The following IKZF2 variants were observed in gnomAD, a reference collection of about 807,000 sequenced individuals.
IKZF2 encodes the protein zinc finger protein Helios.
In IKZF2, 15 loss-of-function variants were observed where a neutral mutation model predicts 49.2. That is an observed-to-expected ratio of 0.30 (90% confidence interval 0.20 to 0.47). IKZF2 has a LOEUF of 0.47. Ranked by LOEUF, IKZF2 falls within the 20% of genes least tolerant of loss-of-function variation. IKZF2 has a pLI of 1.00. For synonymous variants in IKZF2, 227 were observed against 221.4 expected, an observed-to-expected ratio of 1.03 and a Z score of -0.23; for missense variants, 567 against 664.6, an observed-to-expected ratio of 0.85 and a Z score of 1.61.
At chr2:213,083,413 G>A (rs1023878360) in intron 4 of IKZF2, among the ~76,000 whole-genome samples, 11 of 124,290 alleles carry the variant, frequency 8.9e-5, no homozygotes, top group African/African-American at 3.5e-4. Context: ...TTTTTGAGAC[G>A]GAGTTTCGCT....
At position 213,048,401 on chromosome 2, in the gene IKZF2, G is replaced by A. The variant is rs768167363; in HGVS notation, c.574+1312C>T. On this transcript the variant is annotated intron_variant, in intron 6 of 8. Coordinates refer to ENST00000434687, the MANE Select transcript of IKZF2 (RefSeq NM_001387220.1). ...AGTTGAGGCAAAACTATATGTTCAC[G>A]AAGATCTATTTGTTATATAATGTTT... Among the ~76,000 whole-genome samples, 42 of 152,052 alleles carry A rather than the reference G, an allele frequency of 2.8e-4. 1 individual carries two copies. Among genetic ancestry groups the A allele is most frequent in the Middle Eastern group, 3.4e-3 (1 of 294 alleles).
chr2:213,020,827 A>T (rs1476347859), intron 7 of IKZF2, among the ~76,000 whole-genome samples: 2 of 152,228 alleles, frequency 1.3e-5, no homozygotes, highest in Non-Finnish European at 2.9e-5. Flanking sequence ...CTGGCTATGT[A>T]TAAGCCAATA....
chr2:213,143,454 C>T (rs2060941296), intron 4 of IKZF2, among the ~76,000 whole-genome samples: 1 of 151,892 alleles, frequency 6.6e-6, no homozygotes, highest in Non-Finnish European at 1.5e-5. Context: ...CAAATCTATA[C>T]CTCTTTTACT....
intron 4 of IKZF2, among the ~76,000 whole-genome samples, chr2:213,085,324 T>A (rs557300496): frequency 6.6e-6 from 1 of 152,218 alleles, no homozygotes; most frequent in Non-Finnish European, 1.5e-5. Flanking sequence ...GTTCTTATTA[T>A]GAGCCAAATT....
intron 8 of IKZF2, among the ~76,000 whole-genome samples, chr2:213,009,196 CA>C (rs1695671678): frequency 6.6e-6 from 1 of 152,094 alleles, no homozygotes; most frequent in Non-Finnish European, 1.5e-5. Flanking sequence ...CTTAAATATA[CA>C]CCTCAACAAA....
At chr2:213,115,193 GTTTACTGAAGT>G (rs2059831216) in intron 4 of IKZF2, among the ~76,000 whole-genome samples, 1 of 152,104 alleles carries the variant, frequency 6.6e-6, no homozygotes. Flanking sequence ...TATTCGATAC[GTTTACTGAAGT>G]TTTAATCAAT....
At position 213,002,548 on chromosome 2, in the gene IKZF2, A is replaced by G. The variant is rs1406262698; in HGVS notation, c.*4812T>C. 6.6e-6 allele frequency: 1 copy of G among 151,764 alleles called. No homozygotes were observed. The highest frequency in any genetic ancestry group is 1.9e-4 in the East Asian group (1 of 5,170). The allele number at this position is 151,764 out of a possible 1,614,324, so 9.4% of individuals were successfully genotyped here. On this transcript the variant is annotated 3_prime_UTR_variant, in exon 9 of 9. Transcript: ENST00000434687. ...CTTGGTCATATGCCATTTGCTTTGTATAACCAGCAGCTCATTTTTTTAAAA... is the reference window on the plus strand; with the variant it reads ...CTTGGTCATATGCCATTTGCTTTGTGTAACCAGCAGCTCATTTTTTTAAAA...
chr2:213,020,767 T>C (rs1178847733), intron 7 of IKZF2, among the ~76,000 whole-genome samples: 16 of 152,174 alleles, frequency 1.1e-4, no homozygotes, highest in Non-Finnish European at 4.4e-5. Flanking sequence ...CACAGTTCCA[T>C]AGTATATACT....
intron 8 of IKZF2, 31 bp from the exon 9 acceptor site, chr2:213,008,115 A>G: frequency 7.3e-7 from 1 of 1,370,986 alleles, no homozygotes; most frequent in Non-Finnish European, 9.7e-7. Flanking sequence ...AAAGAAGTAA[A>G]AAAAAAAAAA....
intron 4 of IKZF2, among the ~76,000 whole-genome samples, chr2:213,061,121 G>C (rs904986285): frequency 6.6e-6 from 1 of 151,440 alleles, no homozygotes; most frequent in African/African-American, 2.4e-5. Flanking sequence ...AAGAAGTAAA[G>C]ACACTTGCAC....
intron 4 of IKZF2, among the ~76,000 whole-genome samples, chr2:213,129,865 G>T (rs1423409329): frequency 6.6e-6 from 1 of 152,174 alleles, no homozygotes; most frequent in Non-Finnish European, 1.5e-5. Context: ...CAGAGCCAAG[G>T]ATTTCTGATA....
intron 6 of IKZF2, among the ~76,000 whole-genome samples, chr2:213,039,707 A>T (rs1280115426): frequency 6.6e-6 from 1 of 152,138 alleles, no homozygotes; most frequent in African/African-American, 2.4e-5. Context: ...TTTACAAAGT[A>T]GTTATTTTTA....
intron 4 of IKZF2, among the ~76,000 whole-genome samples, chr2:213,089,537 A>C (rs911205399): frequency 6.6e-6 from 1 of 152,170 alleles, no homozygotes; most frequent in African/African-American, 2.4e-5. Flanking sequence ...GCTGTTCCTC[A>C]AGTACACCAA....
chr2:213,103,004 C>A (rs1163099469), intron 4 of IKZF2, among the ~76,000 whole-genome samples: 2 of 151,986 alleles, frequency 1.3e-5, no homozygotes. Flanking sequence ...GGATCAAGTC[C>A]ATATAGTGGT....
intron 4 of IKZF2, among the ~76,000 whole-genome samples, chr2:213,108,991 A>T (rs2059618490): frequency 6.6e-6 from 1 of 151,964 alleles, no homozygotes; most frequent in South Asian, 2.1e-4. Context: ...AAACTTGTAT[A>T]ATCTTTTTAA....
Position 213,130,417 on chromosome 2 carries a change from GAACA to G in IKZF2, c.139+17287_139+17290del, listed in dbSNP as rs770899889. Among the ~76,000 whole-genome samples the G allele has an allele frequency of 8.5e-5, 13 of 152,084 alleles. 1 individual carries two copies. Among genetic ancestry groups the G allele is most frequent in the Non-Finnish European group, 1.5e-5 (1 of 68,010 alleles). On this transcript the variant is annotated intron_variant, in intron 4 of 8. Coordinates refer to ENST00000434687, the MANE Select transcript of IKZF2 (RefSeq NM_001387220.1). ...TGCCTACCTAGAGACATGATCCTGA[GAACA>G]CAGTAAGATCCAAAATATCCGTAAA...
Position 213,003,618 on chromosome 2 carries a change from A to C in IKZF2, c.*3742T>G, listed in dbSNP as rs145708083. ...TGCTCTTTTTGTACCCTAAGAAATC[A>C]TTTTGGAGATAGGATGAAATAAAAT... On this transcript the variant is annotated 3_prime_UTR_variant, in exon 9 of 9. Transcript: ENST00000434687. 1 of 151,804 alleles carries C rather than the reference A, an allele frequency of 6.6e-6. No homozygotes were observed. Among genetic ancestry groups the C allele is most frequent in the African/African-American group, 2.4e-5 (1 of 41,510 alleles). The allele number at this position is 151,804 out of a possible 1,614,324, so 9.4% of individuals were successfully genotyped here. A position where few individuals can be genotyped will look rare whatever the true frequency, so the allele number is the denominator to read the frequency against.
chr2:213,043,310 T>A (rs6730892), intron 6 of IKZF2, among the ~76,000 whole-genome samples: 88,249 of 152,004 alleles, frequency 0.58, 26,536 homozygotes, highest in East Asian at 0.77. Flanking sequence ...CATGCACATC[T>A]GTGCTGGGCT....
chr2:213,136,386 A>AAGAAAAG (rs1262949332), intron 4 of IKZF2, among the ~76,000 whole-genome samples: 119 of 111,130 alleles, frequency 1.1e-3, no homozygotes, highest in Middle Eastern at 4.7e-3. Context: ...AAAAAAAAAA[A>AAGAAAAG]AAAAAGAAAA....
Sources: allele counts gnomAD v4.1 joint callset (sites outside exome capture counted in the v4.1 genomes callset), GRCh38; gene constraint gnomAD v4.1.1; transcripts MANE v1.5; gene names NCBI Gene and HGNC (gene_info 2026-07-23, HGNC 2026-07-21).